Variants in VWA8 observed in about 807,000 individuals in gnomAD.
The protein encoded by VWA8 is von Willebrand factor A domain-containing protein 8.
A neutral mutation model predicts 241.5 loss-of-function variants in VWA8; 221 were observed. That is an observed-to-expected ratio of 0.91 (90% CI 0.82 to 1.02). The LOEUF is 1.02. Ranked by LOEUF, VWA8 falls within the 50% of genes least tolerant of loss-of-function variation. The probability of loss-of-function intolerance (pLI) is 0.00; values close to 1 mark genes in which losing one functional copy is unlikely to be tolerated. For synonymous variants in VWA8, 852 were observed against 827.1 expected, an observed-to-expected ratio of 1.03 and a Z score of -0.52; for missense variants, 2,322 against 2,328.7, an observed-to-expected ratio of 1.00 and a Z score of 0.06.
intron 34 of VWA8, among the ~76,000 whole-genome samples, chr13:41,685,937 T>C (rs1005122710): frequency 6.6e-6 from 1 of 152,220 alleles, no homozygotes; most frequent in Non-Finnish European, 1.5e-5. Context: ...TAATTTCTTA[T>C]GCTTTTTCTA....
At position 41,883,395 on chromosome 13, in the gene VWA8, C is replaced by T. The variant is rs144977057; in HGVS notation, c.1072G>A (p.Val358Ile). ...GHEGKMAVEG[V>I]LKRFELQDSG... ...GGGAAGCAGACACTCACCTTTAAAA[C>T]ACCTTCCACAGCCATCTTCCCTTCA... The change falls in exon 9 of 45, where the codon GTT (valine) becomes ATT (isoleucine). Residue 358 changes from valine to isoleucine, a missense_variant. Coordinates refer to ENST00000379310, the MANE Select transcript of VWA8 (RefSeq NM_015058.2). The T allele has an allele frequency of 3.0e-5, 49 of 1,611,140 alleles. No homozygotes were observed. The African/African-American group carries it at 6.4e-4, about 21-fold the overall frequency.
chr13:41,864,449 T>C (rs1157382160), intron 12 of VWA8, among the ~76,000 whole-genome samples: 2 of 152,106 alleles, frequency 1.3e-5, no homozygotes, highest in Non-Finnish European at 2.9e-5. Context: ...AACAGACCAA[T>C]GGAGAAACAA....
intron 16 of VWA8, among the ~76,000 whole-genome samples, chr13:41,811,979 A>G (rs1469449599): frequency 6.6e-6 from 1 of 152,216 alleles, no homozygotes; most frequent in Non-Finnish European, 1.5e-5. Flanking sequence ...GGCAGGCAGC[A>G]TAACATAATG....
intron 2 of VWA8, among the ~76,000 whole-genome samples, chr13:41,933,913 T>G (rs1454993656): frequency 6.6e-6 from 1 of 152,002 alleles, no homozygotes; most frequent in Non-Finnish European, 1.5e-5. Context: ...AAAGATTTTT[T>G]AGGATTTCTT....
At chr13:41,879,113 G>A (rs1874044377) in intron 9 of VWA8, among the ~76,000 whole-genome samples, 1 of 152,038 alleles carries the variant, frequency 6.6e-6, no homozygotes, top group South Asian at 2.1e-4. Flanking sequence ...TTAAACACTA[G>A]GTACTCTACT....
intron 12 of VWA8, among the ~76,000 whole-genome samples, chr13:41,838,397 C>T (rs1871840221): frequency 2.0e-5 from 3 of 152,042 alleles, no homozygotes; most frequent in Admixed American, 2.0e-4. Context: ...ACCTCTCTTA[C>T]TGATACTAAA....
At chr13:41,606,230 C>T (rs910682653) in intron 39 of VWA8, among the ~76,000 whole-genome samples, 4 of 152,144 alleles carry the variant, frequency 2.6e-5, no homozygotes, top group African/African-American at 9.7e-5. Flanking sequence ...TAGGTAAGGG[C>T]TGAGTCTTTC....
At chr13:41,815,024 A>T (rs1391678736) in intron 16 of VWA8, among the ~76,000 whole-genome samples, 1 of 152,224 alleles carries the variant, frequency 6.6e-6, no homozygotes, top group Non-Finnish European at 1.5e-5. Flanking sequence ...ATTTGACTCT[A>T]GAGAGCTTCA....
chr13:41,719,827 G>A lies in VWA8; in HGVS notation c.2965-85C>T, dbSNP rs1327348455. 5 of 1,286,980 alleles carry A rather than the reference G, an allele frequency of 3.9e-6. No homozygotes were observed. In the African/African-American group the frequency reaches 4.6e-5, roughly 12 times the overall value. The allele number at this position is 1,286,980 out of a possible 1,614,324, so 79.7% of individuals were successfully genotyped here. On this transcript the variant is annotated intron_variant, in intron 25 of 44. Coordinates refer to ENST00000379310, the MANE Select transcript of VWA8 (RefSeq NM_015058.2). ...TTTATGAAATGGATAGGACAATAAT[G>A]ATCAAATGAACTACAGCAGAAATTT...
intron 37 of VWA8, among the ~76,000 whole-genome samples, chr13:41,618,635 T>G (rs1393349153): frequency 3.9e-5 from 6 of 152,228 alleles, no homozygotes; most frequent in Non-Finnish European, 7.3e-5. Flanking sequence ...TTAATCCATC[T>G]TGAATTAATT....
rs144131318 is a variant in VWA8, at chr13:41,575,411, TAAA to T, written c.5370+326_5370+328del. Among the ~76,000 whole-genome samples, 35 of 152,060 alleles carry T rather than the reference TAAA, an allele frequency of 2.3e-4. No individual in the cohort carries two copies. The East Asian group carries it at 4.2e-3, about 18-fold the overall frequency. On this transcript the variant is annotated intron_variant, in intron 43 of 44. Transcript: ENST00000379310. ...ACTCGTACCCCAAAAACTATTGAAATAAAAAAATTTTAAAAGGGGTCATTCTTT... is the reference window on the plus strand; with the variant it reads ...ACTCGTACCCCAAAAACTATTGAAATAAAATTTTAAAAGGGGTCATTCTTT...
chr13:41,913,540 A>G (rs1193857789), intron 2 of VWA8, among the ~76,000 whole-genome samples: 2 of 152,234 alleles, frequency 1.3e-5, no homozygotes, highest in Non-Finnish European at 2.9e-5. Context: ...AGGACTAAAT[A>G]TCTAGTGCTT....
intron 35 of VWA8, among the ~76,000 whole-genome samples, chr13:41,679,427 A>C (rs1282118289): frequency 6.6e-6 from 1 of 152,240 alleles, no homozygotes; most frequent in Non-Finnish European, 1.5e-5. Context: ...ACAGATAAAA[A>C]GAGTGATGTG....
chr13:41,819,070 C>T (rs930093521), intron 15 of VWA8, 148 bp downstream of exon 15: 34 of 720,424 alleles, frequency 4.7e-5, no homozygotes, highest in Non-Finnish European at 6.4e-5. Context: ...GTTTAAGATC[C>T]ACTGACCTTC....
At chr13:41,663,861 G>T (rs1024034281) in intron 37 of VWA8, among the ~76,000 whole-genome samples, 7 of 151,038 alleles carry the variant, frequency 4.6e-5, no homozygotes, top group African/African-American at 1.7e-4. Flanking sequence ...CCGTCGTTAA[G>T]TCGGGGACTG....
At chr13:41,587,427 T>C in intron 42 of VWA8, 85 bp downstream of exon 42, 1 of 1,553,444 alleles carries the variant, frequency 6.4e-7, no homozygotes, top group Non-Finnish European at 8.8e-7. Flanking sequence ...ATGAAGATTT[T>C]CATTCACTCT....
intron 20 of VWA8, among the ~76,000 whole-genome samples, chr13:41,772,815 A>G (rs2045834606): frequency 1.3e-5 from 2 of 152,236 alleles, no homozygotes; most frequent in Admixed American, 6.5e-5. Flanking sequence ...CTTTTCTAGT[A>G]TCATAGATTC....
intron 17 of VWA8, among the ~76,000 whole-genome samples, chr13:41,794,569 T>C (rs900114373): frequency 1.3e-5 from 2 of 152,222 alleles, no homozygotes; most frequent in African/African-American, 2.4e-5. Context: ...TAGGATCATG[T>C]CATCTGTAAA....
Position 41,708,389 on chromosome 13 carries a change from A to G in VWA8, c.3117-4978T>C, listed in dbSNP as rs1296434991. 2.0e-5 allele frequency among the ~76,000 whole-genome samples: 3 copies of G among 152,146 alleles called. No individual in the cohort carries two copies. The East Asian group carries it at 5.8e-4, about 29-fold the overall frequency. Reference sequence around the variant, plus strand: ...AAAAAAAAAATTTGTATGTACTAAAAGAAAAAGCCAGCACATTAAAGAGAG... The same window carrying G: ...AAAAAAAAAATTTGTATGTACTAAAGGAAAAAGCCAGCACATTAAAGAGAG... On this transcript the variant is annotated intron_variant, in intron 26 of 44. Coordinates refer to ENST00000379310, the MANE Select transcript of VWA8 (RefSeq NM_015058.2).
Sources: gnomAD v4.1 joint callset for allele counts (sites outside exome capture counted in the v4.1 genomes callset) on GRCh38, gnomAD v4.1.1 for gene constraint, MANE v1.5 for transcripts, NCBI Gene and HGNC (gene_info 2026-07-23, HGNC 2026-07-21) for gene names.